The following KPNA3 variants were observed in gnomAD, a reference collection of about 807,000 sequenced individuals.
KPNA3 encodes the protein karyopherin subunit alpha 3.
Under a neutral mutation model 73.8 loss-of-function variants are expected in KPNA3, and 13 were observed. The observed-to-expected ratio is 0.18, with a 90% CI of 0.11 to 0.28. The LOEUF is 0.28. Ranked by LOEUF, KPNA3 falls within the 10% of genes least tolerant of loss-of-function variation. KPNA3 has a pLI of 1.00. For missense variants in KPNA3, 360 were observed against 618.1 expected, an observed-to-expected ratio of 0.58 and a Z score of 4.43; for synonymous variants, 186 against 206.9, an observed-to-expected ratio of 0.90 and a Z score of 0.87.
At chr13:49,714,111 T>C (rs2137538024) in intron 10 of KPNA3, among the ~76,000 whole-genome samples, 1 of 152,326 alleles carries the variant, frequency 6.6e-6, no homozygotes, top group Admixed American at 6.5e-5. Context: ...CTTAAAAATT[T>C]ATACAAATTT....
Position 49,705,649 on chromosome 13 carries a change from T to C in KPNA3, c.1344A>G (p.Thr448=). The change falls in exon 15 of 17, where the codon ACA becomes ACG. Residue 448 remains threonine (T), a synonymous_variant. Transcript: ENST00000261667. ...ILIMAGDEAS[T]IAEIIEECGG... is the part of the protein sequence containing the mutation. The stretch of plus-strand genomic sequence containing the variant: ...CACATTCCTCTATTATTTCAGCTAT[T>C]GTGCTTGCTTCATCACCGGCCATTA... The C allele has an allele frequency of 6.2e-7, 1 of 1,614,138 alleles. No individual in the cohort carries two copies. The highest frequency in any genetic ancestry group is 8.5e-7 in the Non-Finnish European group (1 of 1,180,026).
chr13:49,737,919 T>G (rs1271231793), intron 2 of KPNA3, among the ~76,000 whole-genome samples: 1 of 152,204 alleles, frequency 6.6e-6, no homozygotes, highest in Non-Finnish European at 1.5e-5. Context: ...AATTTTTAAT[T>G]TAATCAGGTC....
chr13:49,735,784 T>C (rs182143465), intron 2 of KPNA3, among the ~76,000 whole-genome samples: 221 of 152,314 alleles, frequency 1.5e-3, no homozygotes, highest in African/African-American at 4.7e-3. Context: ...ATCTTCTGTT[T>C]TTTACTAGGT....
intron 1 of KPNA3, among the ~76,000 whole-genome samples, chr13:49,789,475 T>C (rs1318843252): frequency 6.6e-6 from 1 of 152,190 alleles, no homozygotes; most frequent in African/African-American, 2.4e-5. Context: ...TTAACAAGTA[T>C]GGATCTTATT....
rs184444321 is a variant in KPNA3, at chr13:49,750,079, C to A, written c.70-3086G>T. Reference sequence around the variant, plus strand: ...AAGCTCCTAATCTATAAGTCATTCACCCATTCAACAAAAATTTACTCAATA... The same window carrying A: ...AAGCTCCTAATCTATAAGTCATTCAACCATTCAACAAAAATTTACTCAATA... On this transcript the variant is annotated intron_variant, in intron 1 of 16. Coordinates refer to ENST00000261667, the MANE Select transcript of KPNA3 (RefSeq NM_002267.4). 2.6e-4 allele frequency among the ~76,000 whole-genome samples: 39 copies of A among 152,242 alleles called. No homozygotes were observed. The East Asian group carries it at 7.1e-3, about 28-fold the overall frequency.
chr13:49,723,082 ATTT>A (rs71078883), intron 7 of KPNA3, among the ~76,000 whole-genome samples: 30 of 147,530 alleles, frequency 2.0e-4, no homozygotes, highest in South Asian at 1.3e-3. Context: ...GCACTACCTC[ATTT>A]TTTTTTTTTT....
At chr13:49,733,568 C>A (rs990518082) in intron 2 of KPNA3, among the ~76,000 whole-genome samples, 1 of 152,124 alleles carries the variant, frequency 6.6e-6, no homozygotes, top group African/African-American at 2.4e-5. Context: ...GGATTACAAG[C>A]GTGAGCCACT....
At chr13:49,747,420 G>C (rs979935948) in intron 1 of KPNA3, among the ~76,000 whole-genome samples, 5 of 152,132 alleles carry the variant, frequency 3.3e-5, no homozygotes, top group Non-Finnish European at 5.9e-5. Flanking sequence ...GCTGGGTGCA[G>C]TGGCTCACAC....
intron 1 of KPNA3, 130 bp downstream of exon 1, chr13:49,792,308 G>T: frequency 2.7e-6 from 1 of 374,834 alleles, no homozygotes; most frequent in Non-Finnish European, 4.1e-6. Context: ...GGGCCGCGGT[G>T]ACGGGAGGCG....
At chr13:49,728,918 T>C (rs1398624844) in intron 6 of KPNA3, among the ~76,000 whole-genome samples, 1 of 152,182 alleles carries the variant, frequency 6.6e-6, no homozygotes, top group Non-Finnish European at 1.5e-5. Context: ...TTGGCCATCT[T>C]GTGACTTCTT....
In KPNA3 at chr13:49,748,249, G is replaced by A. The variant is rs558615109; in HGVS notation, c.70-1256C>T. Among the ~76,000 whole-genome samples the A allele has an allele frequency of 1.2e-4, 18 of 152,166 alleles. No homozygotes were observed. The East Asian group carries it at 1.3e-3, about 11-fold the overall frequency. ...CATATTTTTAAAAAGTAAATTCATTGCCATGGCCTTAAAAACATGAAAATA... is the reference window on the plus strand; with the variant it reads ...CATATTTTTAAAAAGTAAATTCATTACCATGGCCTTAAAAACATGAAAATA... On this transcript the variant is annotated intron_variant, in intron 1 of 16. Transcript: ENST00000261667.
intron 9 of KPNA3, among the ~76,000 whole-genome samples, chr13:49,720,617 A>G (rs1954345781): frequency 6.6e-6 from 1 of 151,316 alleles, no homozygotes; most frequent in Non-Finnish European, 1.5e-5. Flanking sequence ...TTAGCCTGGC[A>G]TGGTGGCACA....
intron 1 of KPNA3, among the ~76,000 whole-genome samples, chr13:49,768,699 T>C (rs1458319600): frequency 6.6e-6 from 1 of 151,974 alleles, no homozygotes; most frequent in Non-Finnish European, 1.5e-5. Context: ...AAACAATCTA[T>C]TCAGAGTTAA....
rs181953355 is a variant in KPNA3 at position 49,759,852 on chromosome 13, C to T, written c.70-12859G>A. Among the ~76,000 whole-genome samples, 10 of 152,248 alleles carry T rather than the reference C, an allele frequency of 6.6e-5. No individual in the cohort carries two copies. The East Asian group carries it at 1.9e-3, about 29-fold the overall frequency. ...CTGGTAGTGGTCCAGGGTTGGGGAT[C>T]CCTGGTCTAGCTTAAAGAAGGAGTG... On this transcript the variant is annotated intron_variant, in intron 1 of 16. Transcript: ENST00000261667.
At chr13:49,745,157 T>C (rs184234351) in intron 2 of KPNA3, among the ~76,000 whole-genome samples, 1 of 152,290 alleles carries the variant, frequency 6.6e-6, no homozygotes, top group East Asian at 1.9e-4. Flanking sequence ...CTTATGAATG[T>C]AGTTAAAATG....
intron 6 of KPNA3, among the ~76,000 whole-genome samples, chr13:49,730,550 A>G (rs1429599169): frequency 1.4e-5 from 2 of 138,068 alleles, no homozygotes; most frequent in African/African-American, 5.4e-5. Context: ...AAAAAAAAAA[A>G]AAAAAGAACA....
At chr13:49,739,098 G>C (rs999145371) in intron 2 of KPNA3, among the ~76,000 whole-genome samples, 2 of 152,084 alleles carry the variant, frequency 1.3e-5, no homozygotes, top group African/African-American at 4.8e-5. Flanking sequence ...ATTTTTAAAA[G>C]ATCTTTCAAA....
intron 6 of KPNA3, 73 bp from the exon 7 acceptor site, chr13:49,725,574 A>G: frequency 1.1e-6 from 1 of 926,924 alleles, no homozygotes; most frequent in East Asian, 2.6e-5. Flanking sequence ...AAGACTGATA[A>G]GATATGGCTA....
At chr13:49,766,758 G>A (rs1241745298) in intron 1 of KPNA3, among the ~76,000 whole-genome samples, 1 of 152,040 alleles carries the variant, frequency 6.6e-6, no homozygotes, top group Non-Finnish European at 1.5e-5. Flanking sequence ...AAATATAGCA[G>A]GGGGTGGAGA....
Sources: allele counts gnomAD v4.1 joint callset (sites outside exome capture counted in the v4.1 genomes callset), GRCh38; gene constraint gnomAD v4.1.1; transcripts MANE v1.5; gene names NCBI Gene and HGNC (gene_info 2026-07-23, HGNC 2026-07-21).